The following KCNH1 variants were observed in gnomAD, a reference collection of about 807,000 sequenced individuals.
The protein encoded by KCNH1 is voltage-gated delayed rectifier potassium channel KCNH1.
In KCNH1, 27 loss-of-function variants were observed where a neutral mutation model predicts 69.2. The ratio of observed to expected loss-of-function variants is 0.39; its 90% CI spans 0.29 to 0.54. The LOEUF is 0.54. Ranked by LOEUF, KCNH1 falls within the 20% of genes least tolerant of loss-of-function variation. The pLI, the probability that KCNH1 is intolerant of heterozygous loss-of-function variation, is 0.68. For synonymous variants in KCNH1, 456 were observed against 487.7 expected (o/e 0.93, Z 0.86); for missense variants, 798 against 1,261.6 (o/e 0.63, Z 5.57).
intron 6 of KCNH1, among the ~76,000 whole-genome samples, chr1:210,975,901 C>A (rs1453661867): frequency 1.3e-5 from 2 of 152,088 alleles, no homozygotes; most frequent in East Asian, 3.9e-4. Context: ...AACAAACTTA[C>A]AAGAAAAAAA....
Position 210,982,530 on chromosome 1 carries a change from T to C in KCNH1, c.1032+36253A>G, listed in dbSNP as rs192533414. Among the ~76,000 whole-genome samples the C allele has an allele frequency of 1.7e-3, 263 of 152,286 alleles. 1 individual carries two copies. Among genetic ancestry groups the C allele is most frequent in the Non-Finnish European group, 2.8e-3 (191 of 68,026 alleles). ...TGAGAACATGTGGTGTTTGGTTTTT[T>C]GTCCTTGTGATAGTTTGCTGAGAAT... On this transcript the variant is annotated intron_variant, in intron 6 of 10. Coordinates refer to ENST00000271751, the MANE Select transcript of KCNH1 (RefSeq NM_172362.3).
intron 10 of KCNH1, among the ~76,000 whole-genome samples, chr1:210,718,740 T>C (rs1682374510): frequency 6.7e-6 from 1 of 150,064 alleles, no homozygotes; most frequent in Non-Finnish European, 1.5e-5. Context: ...TATTTTATGC[T>C]GGCAGCACAT....
intron 6 of KCNH1, among the ~76,000 whole-genome samples, chr1:210,972,064 C>T (rs552273846): frequency 6.6e-6 from 1 of 152,230 alleles, no homozygotes; most frequent in African/African-American, 2.4e-5. Context: ...TGTGAGCACT[C>T]TAAGTTCTAT....
At chr1:211,049,795 T>C (rs1571607240) in intron 5 of KCNH1, among the ~76,000 whole-genome samples, 1 of 152,154 alleles carries the variant, frequency 6.6e-6, no homozygotes. Context: ...CAAGTTTTCC[T>C]GAGAGCTTGA....
At chr1:211,069,776 G>C (rs1349798615) in intron 5 of KCNH1, among the ~76,000 whole-genome samples, 6 of 152,106 alleles carry the variant, frequency 3.9e-5, no homozygotes, top group Non-Finnish European at 8.8e-5. Flanking sequence ...ATGCAGTTAT[G>C]ATTTAATATT....
intron 7 of KCNH1, chr1:210,859,643 G>T: frequency 7.5e-7 from 1 of 1,337,382 alleles, no homozygotes; most frequent in Non-Finnish European, 1.1e-6. Context: ...TCATTCTTGT[G>T]TTCTGCATGG....
chr1:210,754,311 A>T (rs546634595), intron 10 of KCNH1, among the ~76,000 whole-genome samples: 273 of 152,310 alleles, frequency 1.8e-3, no homozygotes, highest in Non-Finnish European at 3.2e-3. Context: ...GCCAAGAAAC[A>T]GAACTTTTGG....
intron 6 of KCNH1, among the ~76,000 whole-genome samples, chr1:210,939,060 C>T (rs1687831589): frequency 6.6e-6 from 1 of 152,108 alleles, no homozygotes; most frequent in Admixed American, 6.6e-5. Context: ...TGTGAAGCCC[C>T]CTGATCCCCA....
chr1:211,019,335 G>A, intron 5 of KCNH1, 79 bp from the exon 6 acceptor site: 1 of 878,546 alleles, frequency 1.1e-6, no homozygotes, highest in Non-Finnish European at 1.8e-6. Context: ...ATCAGTGATT[G>A]ACAAATGGTC....
chr1:210,889,833 C>T (rs923397366), intron 7 of KCNH1, among the ~76,000 whole-genome samples: 8 of 152,096 alleles, frequency 5.3e-5, no homozygotes, highest in Non-Finnish European at 8.8e-5. Context: ...ATACAACTTA[C>T]AAGGGATGTG....
At chr1:211,059,577 C>T (rs1261236558) in intron 5 of KCNH1, among the ~76,000 whole-genome samples, 1 of 151,838 alleles carries the variant, frequency 6.6e-6, no homozygotes, top group Non-Finnish European at 1.5e-5. Flanking sequence ...TACGTCTCTA[C>T]TAAAAAATAT....
intron 5 of KCNH1, among the ~76,000 whole-genome samples, chr1:211,044,169 T>C (rs2102434385): frequency 6.6e-6 from 1 of 152,298 alleles, no homozygotes; most frequent in South Asian, 2.1e-4. Context: ...TTGCTGATGA[T>C]ATGATTGTAT....
intron 6 of KCNH1, among the ~76,000 whole-genome samples, chr1:210,936,385 C>T (rs371915349): frequency 4.6e-5 from 7 of 152,212 alleles, no homozygotes; most frequent in East Asian, 1.9e-4. Flanking sequence ...CCTGGCTTTC[C>T]GCCAGCACCC....
rs74706301 is a variant in KCNH1, at chr1:210,990,192, A to G, written c.1032+28591T>C. ...TTACAGCCTTGCCAAAGTGCCCTTT[A>G]TCAACAGCTTGTTTCCAGAGATTTA... On this transcript the variant is annotated intron_variant, in intron 6 of 10. Coordinates refer to ENST00000271751, the MANE Select transcript of KCNH1 (RefSeq NM_172362.3). Among the ~76,000 whole-genome samples the G allele has an allele frequency of 5.2e-3, 787 of 152,336 alleles. 7 individuals carry two copies. The highest frequency in any genetic ancestry group is 0.018 in the African/African-American group (753 of 41,580).
At chr1:210,936,382 T>A (rs1167000671) in intron 6 of KCNH1, among the ~76,000 whole-genome samples, 1 of 152,158 alleles carries the variant, frequency 6.6e-6, no homozygotes, top group African/African-American at 2.4e-5. Context: ...AAACCTGGCT[T>A]TCCGCCAGCA....
At chr1:210,756,091 T>C (rs1456666444) in intron 10 of KCNH1, among the ~76,000 whole-genome samples, 1 of 152,186 alleles carries the variant, frequency 6.6e-6, no homozygotes, top group African/African-American at 2.4e-5. Context: ...TATTTTAAAC[T>C]CCATTTCCTA....
At chr1:211,018,689 A>G (rs1689537667) in intron 6 of KCNH1, 94 bp downstream of exon 6, 2 of 974,114 alleles carry the variant, frequency 2.1e-6, no homozygotes, top group Non-Finnish European at 3.1e-6. Context: ...CAGTCATGCT[A>G]TTTCCCACCC....
chr1:210,838,343 T>A (rs1685330152), intron 7 of KCNH1, among the ~76,000 whole-genome samples: 1 of 152,056 alleles, frequency 6.6e-6, no homozygotes, highest in African/African-American at 2.4e-5. Flanking sequence ...AAAAATCAAC[T>A]AAAGATGGAT....
intron 5 of KCNH1, among the ~76,000 whole-genome samples, chr1:211,034,455 A>G (rs566504253): frequency 1.3e-5 from 2 of 152,222 alleles, no homozygotes; most frequent in African/African-American, 4.8e-5. Flanking sequence ...GGTGCCCATA[A>G]GAAGGCAACA....
Sources: gnomAD v4.1 joint callset for allele counts (sites outside exome capture counted in the v4.1 genomes callset) on GRCh38, gnomAD v4.1.1 for gene constraint, MANE v1.5 for transcripts, NCBI Gene and HGNC (gene_info 2026-07-23, HGNC 2026-07-21) for gene names.